The following CA1 variants were observed in gnomAD, a reference collection of about 807,000 sequenced individuals.
The protein encoded by CA1 is carbonate dehydratase I.
Under a neutral mutation model 28.8 loss-of-function variants are expected in CA1, and 27 were observed. That is an observed-to-expected ratio of 0.94 (90% CI 0.69 to 1.29). CA1 has a LOEUF of 1.29. Among genes scored for constraint, CA1 ranks in the 50% most tolerant of loss-of-function variants. CA1 has a pLI of 0.00. For missense variants in CA1, 335 were observed against 310.5 expected (o/e 1.08, Z -0.59); for synonymous variants, 121 against 108.8 (o/e 1.11, Z -0.70).
At chr8:85,331,606 G>A (rs1471208957) in intron 6 of CA1, among the ~76,000 whole-genome samples, 2 of 151,928 alleles carry the variant, frequency 1.3e-5, no homozygotes, top group Non-Finnish European at 2.9e-5. Flanking sequence ...ACATGTGTGC[G>A]CCACCACGCC....
chr8:85,337,635 A>G (rs1308030555), intron 3 of CA1, among the ~76,000 whole-genome samples: 1 of 152,200 alleles, frequency 6.6e-6, no homozygotes, highest in Non-Finnish European at 1.5e-5. Flanking sequence ...AGTTAAATGC[A>G]TATAATACCA....
In CA1 at chr8:85,333,594, T is replaced by A; in HGVS notation, c.381A>T (p.Ala127=). ...AELHVAHWNS[A]KYSSLAEAAS... is the part of the protein sequence containing the mutation. ...CAGCTTCAGCAAGGCTGGAGTACTT[T>A]GCAGAATTCCAGTGAGCTACGTGAA... is the stretch of plus-strand genomic sequence containing the variant. The change falls in exon 5 of 8, where the codon GCA becomes GCT. Residue 127 remains alanine, a synonymous_variant. Transcript: ENST00000523022. 6.2e-7 allele frequency: 1 copy of A among 1,612,066 alleles called. No homozygotes were observed. Among genetic ancestry groups the A allele is most frequent in the South Asian group, 1.1e-5 (1 of 91,042 alleles).
In CA1 at chr8:85,338,468, G is replaced by C; in HGVS notation, c.38-19C>G. ...TCAGGACCTACCAGGACAAACACGTGTAAAATCAATGTCTTATCAAATGCT... is the reference window on the plus strand; with the variant it reads ...TCAGGACCTACCAGGACAAACACGTCTAAAATCAATGTCTTATCAAATGCT... On this transcript the variant is annotated intron_variant, in intron 2 of 7. Transcript: ENST00000523022. The C allele has an allele frequency of 1.9e-6, 3 of 1,605,154 alleles. No individual in the cohort carries two copies. The highest frequency in any genetic ancestry group is 2.6e-6 in the Non-Finnish European group (3 of 1,172,016).
intron 1 of CA1, among the ~76,000 whole-genome samples, chr8:85,348,338 A>G (rs1475084771): frequency 6.6e-6 from 1 of 152,210 alleles, no homozygotes; most frequent in African/African-American, 2.4e-5. Context: ...TAGTTTTTAA[A>G]TCAAATGCTC....
At chr8:85,345,962 CT>C (rs1307187963) in intron 1 of CA1, among the ~76,000 whole-genome samples, 1 of 152,054 alleles carries the variant, frequency 6.6e-6, no homozygotes, top group Non-Finnish European at 1.5e-5. Flanking sequence ...ACTTTTATGG[CT>C]TTTATTGCTG....
intron 1 of CA1, chr8:85,351,786 T>C (rs1809422198): frequency 1.3e-5 from 2 of 152,228 alleles, no homozygotes; most frequent in Non-Finnish European, 2.9e-5. Flanking sequence ...GTGGAAAACC[T>C]AGAGGCAAGC....
intron 1 of CA1, among the ~76,000 whole-genome samples, chr8:85,359,717 C>T (rs1254894353): frequency 6.6e-6 from 1 of 152,188 alleles, no homozygotes; most frequent in South Asian, 2.1e-4. Context: ...AGAAGCTGCT[C>T]ACAACAGTCT....
chr8:85,340,689 T>G (rs1430350815), intron 2 of CA1, among the ~76,000 whole-genome samples: 1 of 152,188 alleles, frequency 6.6e-6, no homozygotes, highest in Non-Finnish European at 1.5e-5. Context: ...GCATGAACAT[T>G]TGTAATTCAT....
chr8:85,332,860 T>C (rs1808468629), intron 5 of CA1, among the ~76,000 whole-genome samples: 3 of 152,120 alleles, frequency 2.0e-5, no homozygotes, highest in African/African-American at 7.2e-5. Flanking sequence ...CAAAAACAAA[T>C]CTCTTATTTT....
intron 1 of CA1, among the ~76,000 whole-genome samples, chr8:85,357,835 C>A (rs1809657206): frequency 6.6e-6 from 1 of 152,206 alleles, no homozygotes; most frequent in Non-Finnish European, 1.5e-5. Context: ...TTGGTCCCAA[C>A]TGAGAGACAG....
rs1407040193 is a variant in CA1 at position 85,331,237 on chromosome 8, G to A, written c.513+1253C>T. 5.9e-5 allele frequency among the ~76,000 whole-genome samples: 9 copies of A among 151,470 alleles called. No homozygotes were observed. In the South Asian group the frequency reaches 1.3e-3, roughly 21 times the overall value. ...TTTATCTAAATTTTCAAATTTACTG[G>A]CATAATGTTATAAAAAATTTTGTCT... is the stretch of plus-strand genomic sequence containing the variant. On this transcript the variant is annotated intron_variant, in intron 6 of 7. Coordinates refer to ENST00000523022, the MANE Select transcript of CA1 (RefSeq NM_001128831.4).
At chr8:85,362,514 G>A (rs923954918) in intron 1 of CA1, among the ~76,000 whole-genome samples, 1 of 152,148 alleles carries the variant, frequency 6.6e-6, no homozygotes, top group Non-Finnish European at 1.5e-5. Context: ...GGAAATAAAA[G>A]ATGATTTTTG....
At chr8:85,368,448 G>A (rs911607341) in intron 1 of CA1, among the ~76,000 whole-genome samples, 5 of 151,962 alleles carry the variant, frequency 3.3e-5, no homozygotes, top group African/African-American at 1.2e-4. Context: ...GATTACAGGT[G>A]TGAGCCACCA....
chr8:85,340,197 CTT>C (rs1808858212), intron 2 of CA1, among the ~76,000 whole-genome samples: 1 of 152,170 alleles, frequency 6.6e-6, no homozygotes, highest in African/African-American at 2.4e-5. Context: ...CAGCCTGACT[CTT>C]TTGTTAGGGT....
intron 2 of CA1, among the ~76,000 whole-genome samples, chr8:85,339,640 G>A (rs1450571137): frequency 6.6e-6 from 1 of 152,222 alleles, no homozygotes; most frequent in East Asian, 1.9e-4. Context: ...CATGTCAAGA[G>A]TTGAGACAGG....
chr8:85,346,192 A>T (rs1364337046), intron 1 of CA1, among the ~76,000 whole-genome samples: 2 of 152,212 alleles, frequency 1.3e-5, no homozygotes, highest in African/African-American at 4.8e-5. Flanking sequence ...TGTCATGCTA[A>T]TTGAAATTAC....
In CA1 at chr8:85,333,543, A is replaced by T; in HGVS notation, c.432T>A (p.Val144=). 1 of 1,611,334 alleles carries T rather than the reference A, an allele frequency of 6.2e-7. No individual in the cohort carries two copies. The highest frequency in any genetic ancestry group is 8.5e-7 in the Non-Finnish European group (1 of 1,177,758). ...AACTCACCTTCATCAAAACACCAAT[A>T]ACTGCCAAACCATCAGCCTTTGAGG... is the stretch of plus-strand genomic sequence containing the variant. The part of the protein sequence containing the change: ...EAASKADGLA[V]IGVLMKVGEA... Residue 144 remains valine (V), a synonymous_variant, in exon 5 of 8, where the codon GTT becomes GTA. Transcript: ENST00000523022.
chr8:85,348,790 A>G (rs1260010607), intron 1 of CA1, among the ~76,000 whole-genome samples: 1 of 152,206 alleles, frequency 6.6e-6, no homozygotes, highest in Non-Finnish European at 1.5e-5. Flanking sequence ...ATACCTAAAA[A>G]TATTTTCTAA....
intron 1 of CA1, among the ~76,000 whole-genome samples, chr8:85,361,195 A>G (rs1809781530): frequency 6.6e-6 from 1 of 152,156 alleles, no homozygotes; most frequent in Admixed American, 6.5e-5. Flanking sequence ...AGGGAGCTGA[A>G]CTGGTTCATG....
Sources: allele counts gnomAD v4.1 joint callset (sites outside exome capture counted in the v4.1 genomes callset), GRCh38; gene constraint gnomAD v4.1.1; transcripts MANE v1.5; gene names NCBI Gene and HGNC (gene_info 2026-07-23, HGNC 2026-07-21).